The following TMPRSS13 variants were observed in gnomAD, a reference collection of about 807,000 sequenced individuals.
TMPRSS13 encodes transmembrane serine protease 13.
Under a neutral mutation model 68.4 loss-of-function variants are expected in TMPRSS13, and 50 were observed. The observed-to-expected ratio is 0.73, with a 90% CI of 0.58 to 0.93. The LOEUF (loss-of-function observed/expected upper bound fraction) is 0.93, where lower values mean the gene tolerates loss of function less well. Among genes scored for constraint, TMPRSS13 ranks in the 40% least tolerant of loss-of-function variants. The pLI is 0.00. For synonymous variants in TMPRSS13, 267 were observed against 285.8 expected (o/e 0.93, Z 0.66); for missense variants, 615 against 729.2 (o/e 0.84, Z 1.80).
chr11:117,913,816 G>A lies in TMPRSS13; in HGVS notation c.770C>T (p.Ser257Phe), dbSNP rs779549659. 1.9e-6 allele frequency: 3 copies of A among 1,614,126 alleles called. No individual in the cohort carries two copies. The highest frequency in any genetic ancestry group is 2.5e-6 in the Non-Finnish European group (3 of 1,180,016). Residue 257 changes from serine (S) to phenylalanine (F), a missense_variant, in exon 5 of 13, where the codon TCC becomes TTC. Transcript: ENST00000524993. ...CTGCTGGCAGGTCTTCTCTGAGTAG[G>A]AGTCATTCCAGTTGCTGCTACAGAT... Reference protein sequence around the residue: ...LPICSSNWNDSYSEKTCQQLG... With the variant: ...LPICSSNWNDFYSEKTCQQLG...
At position 117,929,284 on chromosome 11, in the gene TMPRSS13, C is replaced by T. The variant is rs764533426; in HGVS notation, c.21+3G>A. Reference sequence around the variant, plus strand: ...CTGGCCCGAGGCCTGAGGTCACACTCACCCCGTGGCTGTCCCTCTCCATGG... The same window carrying T: ...CTGGCCCGAGGCCTGAGGTCACACTTACCCCGTGGCTGTCCCTCTCCATGG... On this transcript the variant is annotated splice_donor_region_variant and intron_variant, in intron 1 of 12. Transcript: ENST00000524993. 1.8e-5 allele frequency: 29 copies of T among 1,604,468 alleles called. No individual in the cohort carries two copies. Among genetic ancestry groups the T allele is most frequent in the Non-Finnish European group, 2.3e-5 (27 of 1,175,958 alleles).
intron 3 of TMPRSS13, 23 bp downstream of exon 3, chr11:117,917,147 C>T (rs1487778378): frequency 6.3e-7 from 1 of 1,599,328 alleles, no homozygotes. Context: ...AGAACCCACC[C>T]CTGCACCCTC....
intron 9 of TMPRSS13, chr11:117,908,037 T>C (rs2057481267): frequency 2.0e-6 from 2 of 1,001,470 alleles, no homozygotes; most frequent in African/African-American, 1.7e-5. Flanking sequence ...TGTTTGAATG[T>C]GTACTCAGCT....
intron 2 of TMPRSS13, 29 bp from the exon 3 acceptor site, chr11:117,917,303 T>C (rs759625727): frequency 1.3e-6 from 2 of 1,583,006 alleles, no homozygotes; most frequent in East Asian, 2.2e-5. Flanking sequence ...CAGGGGAATA[T>C]GAGGCTGGAG....
chr11:117,902,276 G>C lies in TMPRSS13; in HGVS notation c.1678-11C>G. 1 of 1,613,486 alleles carries C rather than the reference G, an allele frequency of 6.2e-7. No homozygotes were observed. Among genetic ancestry groups the C allele is most frequent in the Non-Finnish European group, 8.5e-7 (1 of 1,179,864 alleles). On this transcript the variant is annotated splice_polypyrimidine_tract_variant and intron_variant, in intron 12 of 12. Transcript: ENST00000524993. ...GAATCGCACCTCGCTCTGAGGAAGA[G>C]AATGGGAGAAGAGGGTGAGGGTGGG...
chr11:117,901,127 A>AAAGGTG lies in TMPRSS13; in HGVS notation c.*1106_*1111dup, dbSNP rs1479867182. ...TGTTTCTGAAACAACTGAGAAACTG[A>AAAGGTG]AAGGTGGAGAAAGCTGAGAAGAAAT... On this transcript the variant is annotated 3_prime_UTR_variant, in exon 13 of 13. Coordinates refer to ENST00000524993, the MANE Select transcript of TMPRSS13 (RefSeq NM_001077263.3). 3.9e-5 allele frequency: 6 copies of AAAGGTG among 152,288 alleles called. No homozygotes were observed. Among genetic ancestry groups the AAAGGTG allele is most frequent in the Admixed American group, 3.3e-4 (5 of 15,288 alleles). The allele number at this position is 152,288 out of a possible 1,614,324, so 9.4% of individuals were successfully genotyped here. A position where few individuals can be genotyped will look rare whatever the true frequency, so the allele number is the denominator to read the frequency against.
At chr11:117,923,838 T>TTTAAAA (rs56359328) in intron 1 of TMPRSS13, among the ~76,000 whole-genome samples, 4 of 128,154 alleles carry the variant, frequency 3.1e-5, no homozygotes, top group Non-Finnish European at 3.2e-5. Flanking sequence ...GTATAATAAT[T>TTTAAAA]AAAAAAAAAA....
Position 117,918,499 on chromosome 11 carries a change from G to A in TMPRSS13, c.361C>T (p.Leu121Phe). The change falls in exon 2 of 13, where the codon CTT (leucine) becomes TTT (phenylalanine). Residue 121 changes from leucine to phenylalanine, a missense_variant. Coordinates refer to ENST00000524993, the MANE Select transcript of TMPRSS13 (RefSeq NM_001077263.3). Reference protein sequence around the residue: ...SVTTSPTRVYLVRATPVGAVP... With the variant: ...SVTTSPTRVYFVRATPVGAVP... ...GCCCCCACTGGTGTTGCTCTAACAA[G>A]GTACACTCTGGTTGGGGAGGTTGTC... 6.2e-7 allele frequency: 1 copy of A among 1,614,238 alleles called. No homozygotes were observed. Among genetic ancestry groups the A allele is most frequent in the Non-Finnish European group, 8.5e-7 (1 of 1,180,036 alleles).
chr11:117,905,324 C>T (rs185671589), intron 10 of TMPRSS13, among the ~76,000 whole-genome samples: 1 of 152,268 alleles, frequency 6.6e-6, no homozygotes, highest in African/African-American at 2.4e-5. Flanking sequence ...CTCTGACACC[C>T]TCTTGCTGAG....
chr11:117,910,059 G>T, intron 7 of TMPRSS13, 91 bp from the exon 8 acceptor site: 1 of 1,496,220 alleles, frequency 6.7e-7, no homozygotes. Context: ...GTGCTCCCAG[G>T]GCCAGGACAG....
At chr11:117,911,568 G>A (rs761375476) in intron 6 of TMPRSS13, among the ~76,000 whole-genome samples, 200 bp downstream of exon 6, 53 of 152,294 alleles carry the variant, frequency 3.5e-4, no homozygotes, top group Non-Finnish European at 6.6e-4. Context: ...CCTCAGCACC[G>A]AGCCTCAGAT....
intron 11 of TMPRSS13, 26 bp from the exon 12 acceptor site, chr11:117,903,833 C>G: frequency 6.2e-7 from 1 of 1,605,770 alleles, no homozygotes; most frequent in Non-Finnish European, 8.5e-7. Flanking sequence ...GGCACATTCG[C>G]AGGATGGGAC....
In TMPRSS13 at chr11:117,918,551, C is replaced by T. The variant is rs1335385436; in HGVS notation, c.309G>A (p.Arg103=). Residue 103 remains arginine, a synonymous_variant, in exon 2 of 13, where the codon AGG becomes AGA. Coordinates refer to ENST00000524993, the MANE Select transcript of TMPRSS13 (RefSeq NM_001077263.3). ...CCGAGGCTGACCTGGCGGATGATGA[C>T]CTGCCGGATGAGGACCTGGAAAGTG... ...LASLSRSSSG[R]SSSARSASVT... The T allele has an allele frequency of 6.2e-7, 1 of 1,614,232 alleles. No individual in the cohort carries two copies. The highest frequency in any genetic ancestry group is 1.1e-5 in the South Asian group (1 of 91,088).
intron 9 of TMPRSS13, chr11:117,908,105 C>T (rs11822395): frequency 0.95 from 1,007,294 of 1,057,242 alleles, 480,728 homozygotes; most frequent in Non-Finnish European, 0.97. Flanking sequence ...GGGGAGAGCA[C>T]TGCTTGGGAA....
chr11:117,918,040 T>C (rs1047779627), intron 2 of TMPRSS13, among the ~76,000 whole-genome samples: 1 of 152,098 alleles, frequency 6.6e-6, no homozygotes, highest in Non-Finnish European at 1.5e-5. Context: ...CTTGCTCCAC[T>C]GCAGACCCCA....
At chr11:117,908,172 A>G in intron 9 of TMPRSS13, 1 of 647,804 alleles carries the variant, frequency 1.5e-6, no homozygotes, top group Non-Finnish European at 2.1e-6. Context: ...GGCCTCAGGT[A>G]ATTATCTCTC....
At chr11:117,912,213 A>G (rs1299788488) in intron 5 of TMPRSS13, among the ~76,000 whole-genome samples, 1 of 152,182 alleles carries the variant, frequency 6.6e-6, no homozygotes, top group Non-Finnish European at 1.5e-5. Context: ...TCACCATTTT[A>G]ACAGGTTCTC....
chr11:117,926,046 C>T (rs796414833), intron 1 of TMPRSS13, among the ~76,000 whole-genome samples: 1 of 147,248 alleles, frequency 6.8e-6, no homozygotes, highest in Non-Finnish European at 1.5e-5. Context: ...GAGGTGAAGG[C>T]TGCACACCTG....
At chr11:117,907,838 A>G (rs894133606) in intron 9 of TMPRSS13, 9 of 985,464 alleles carry the variant, frequency 9.1e-6, no homozygotes, top group Non-Finnish European at 1.1e-5. Context: ...CAACTGTACT[A>G]TAGGGCTGGC....
Sources: gnomAD v4.1 joint callset for allele counts (sites outside exome capture counted in the v4.1 genomes callset) on GRCh38, gnomAD v4.1.1 for gene constraint, MANE v1.5 for transcripts, NCBI Gene and HGNC (gene_info 2026-07-23, HGNC 2026-07-21) for gene names.